Variants in KLHDC1 observed in about 807,000 individuals in gnomAD.
KLHDC1 encodes the protein kelch domain-containing protein 1.
Under a neutral mutation model 68.3 loss-of-function variants are expected in KLHDC1, and 53 were observed. The observed-to-expected ratio is 0.78, with a 90% confidence interval of 0.62 to 0.98. KLHDC1 has a LOEUF of 0.98. Among genes scored for constraint, KLHDC1 ranks in the 50% least tolerant of loss-of-function variants. The probability of loss-of-function intolerance (pLI) is 0.00; values close to 1 mark genes in which losing one functional copy is unlikely to be tolerated. For missense variants in KLHDC1, 470 were observed against 492.3 expected (o/e 0.95, Z 0.43); for synonymous variants, 148 against 159.0 (o/e 0.93, Z 0.52).
chr14:49,698,716 A>G (rs1193757688), intron 1 of KLHDC1, among the ~76,000 whole-genome samples: 2 of 150,660 alleles, frequency 1.3e-5, no homozygotes, highest in South Asian at 2.1e-4. Context: ...GAGTTTTGCC[A>G]TGTTGGCCAG....
intron 7 of KLHDC1, 46 bp from the exon 8 acceptor site, chr14:49,729,444 A>T (rs746967729): frequency 7.6e-7 from 1 of 1,313,874 alleles, no homozygotes; most frequent in South Asian, 1.2e-5. Context: ...ATTTTAGCTG[A>T]TAAAAGATGT....
chr14:49,735,431 A>G (rs1416075641), intron 10 of KLHDC1, among the ~76,000 whole-genome samples: 5 of 152,212 alleles, frequency 3.3e-5, no homozygotes, highest in South Asian at 2.1e-4. Flanking sequence ...TTGTTATTTA[A>G]TAAATGACAG....
chr14:49,732,528 G>T (rs542803434), intron 8 of KLHDC1, among the ~76,000 whole-genome samples, 176 bp from the exon 9 acceptor site: 2 of 152,026 alleles, frequency 1.3e-5, no homozygotes, highest in African/African-American at 4.8e-5. Flanking sequence ...TAAATGGAAA[G>T]ATTTTTTAAA....
rs142917982 is a variant in KLHDC1, at chr14:49,697,482, T to G, written c.96+4192T>G. ...CAAAAGTTTGAAATACTGTGAGAATTACCAAAATGTGACACAGACACGAAG... is the reference window on the plus strand; with the variant it reads ...CAAAAGTTTGAAATACTGTGAGAATGACCAAAATGTGACACAGACACGAAG... On this transcript the variant is annotated intron_variant, in intron 1 of 12. Coordinates refer to ENST00000359332, the MANE Select transcript of KLHDC1 (RefSeq NM_172193.3). Among the ~76,000 whole-genome samples the G allele has an allele frequency of 3.9e-5, 6 of 152,328 alleles. No homozygotes were observed. In the East Asian group the frequency reaches 1.2e-3, roughly 29 times the overall value.
intron 2 of KLHDC1, 63 bp downstream of exon 2, chr14:49,709,292 T>TAAAAATA: frequency 1.4e-6 from 1 of 723,834 alleles, no homozygotes; most frequent in Non-Finnish European, 2.3e-6. Context: ...TTCTGTAGAC[T>TAAAAATA]CTAGGGAATT....
chr14:49,710,240 A>T, intron 3 of KLHDC1, 23 bp from the exon 4 acceptor site: 1 of 1,218,416 alleles, frequency 8.2e-7, no homozygotes, highest in Non-Finnish European at 1.2e-6. Context: ...CCTGTCTGCT[A>T]ATAGTGTTCT....
At chr14:49,749,677 C>CAAAAA (rs1191978580) in intron 12 of KLHDC1, among the ~76,000 whole-genome samples, 3 of 53,774 alleles carry the variant, frequency 5.6e-5, no homozygotes, top group African/African-American at 1.3e-4. Context: ...GACTCCGTCT[C>CAAAAA]AAAAAAAAAA....
intron 1 of KLHDC1, among the ~76,000 whole-genome samples, chr14:49,703,026 C>T (rs919181851): frequency 1.3e-5 from 2 of 152,088 alleles, no homozygotes; most frequent in African/African-American, 4.8e-5. Flanking sequence ...CTGTGAGCTA[C>T]TTAATATTCG....
rs139620101 is a variant in KLHDC1, at chr14:49,728,562, C to T, written c.568-364C>T. Among the ~76,000 whole-genome samples, 1,175 of 152,074 alleles carry T rather than the reference C, an allele frequency of 7.7e-3. 16 individuals carry two copies. The highest frequency in any genetic ancestry group is 0.027 in the African/African-American group (1,117 of 41,398). ...GCACTGCTCACTTCTAATGGGAACTCTGTGTGTGTGAAAGAGAAACAGAGG... is the reference window on the plus strand; with the variant it reads ...GCACTGCTCACTTCTAATGGGAACTTTGTGTGTGTGAAAGAGAAACAGAGG... On this transcript the variant is annotated intron_variant, in intron 6 of 12. Coordinates refer to ENST00000359332, the MANE Select transcript of KLHDC1 (RefSeq NM_172193.3).
rs779074317 is a variant in KLHDC1, at chr14:49,693,199, C to T, written c.5C>T (p.Ala2Val). 6 of 1,582,852 alleles carry T rather than the reference C, an allele frequency of 3.8e-6. No individual in the cohort carries two copies. Among genetic ancestry groups the T allele is most frequent in the South Asian group, 2.2e-5 (2 of 89,192 alleles). Residue 2 changes from alanine (A) to valine (V), a missense_variant, in exon 1 of 13, where the codon GCG (alanine) becomes GTG (valine). Transcript: ENST00000359332. Reference protein sequence around the residue: MADSQLFCVAEE... With the variant: MVDSQLFCVAEE... ...GGCGGGCCAGCGACGGCGCGAATGG[C>T]GGACTCTCAGCTGTTCTGTGTGGCG...
rs1441072343 is a variant in KLHDC1 at position 49,751,942 on chromosome 14, C to G, written c.*170C>G. The G allele has an allele frequency of 8.3e-6, 3 of 361,944 alleles. No individual in the cohort carries two copies. Among genetic ancestry groups the G allele is most frequent in the Non-Finnish European group, 1.5e-5 (3 of 197,834 alleles). 22.4% of individuals were successfully genotyped at this position (361,944 alleles called of 1,614,324 possible). A position where few individuals can be genotyped will look rare whatever the true frequency, so the allele number is the denominator to read the frequency against. ...GATATATGGAAAAAAGATATTAATG[C>G]AGATTAATTTATATTTGTAAACAAA... On this transcript the variant is annotated 3_prime_UTR_variant, in exon 13 of 13. Transcript: ENST00000359332.
chr14:49,699,161 C>CAAAA (rs34856234), intron 1 of KLHDC1, among the ~76,000 whole-genome samples: 2 of 107,802 alleles, frequency 1.9e-5, no homozygotes, highest in African/African-American at 7.1e-5. Flanking sequence ...AAGACTGTCT[C>CAAAA]AAAAAAAAAA....
At chr14:49,717,781 C>T (rs1031045071) in intron 4 of KLHDC1, among the ~76,000 whole-genome samples, 1 of 151,978 alleles carries the variant, frequency 6.6e-6, no homozygotes, top group Non-Finnish European at 1.5e-5. Context: ...GCCAGTGAAG[C>T]CATTCTTGGG....
chr14:49,748,318 A>G (rs1889246037), intron 12 of KLHDC1, among the ~76,000 whole-genome samples: 1 of 152,208 alleles, frequency 6.6e-6, no homozygotes, highest in Non-Finnish European at 1.5e-5. Context: ...GACTACAGAC[A>G]CTGGATCCTT....
intron 8 of KLHDC1, among the ~76,000 whole-genome samples, chr14:49,732,099 GA>G (rs1156675072): frequency 1.3e-5 from 2 of 151,106 alleles, no homozygotes; most frequent in Non-Finnish European, 2.9e-5. Context: ...AAATTGTGTT[GA>G]AAAACTAAGG....
At chr14:49,749,477 A>ACTAGC (rs1889275826) in intron 12 of KLHDC1, among the ~76,000 whole-genome samples, 1 of 152,050 alleles carries the variant, frequency 6.6e-6, no homozygotes, top group Non-Finnish European at 1.5e-5. Context: ...GGAGTTCAAG[A>ACTAGC]CTAGCCTGGC....
At chr14:49,695,159 A>G (rs936869207) in intron 1 of KLHDC1, among the ~76,000 whole-genome samples, 3 of 74,284 alleles carry the variant, frequency 4.0e-5, no homozygotes, top group African/African-American at 9.3e-5. Flanking sequence ...TTTTGAGACA[A>G]TCTCTCCTGC....
intron 12 of KLHDC1, among the ~76,000 whole-genome samples, chr14:49,744,710 A>G (rs971322196): frequency 5.9e-5 from 9 of 152,098 alleles, no homozygotes; most frequent in African/African-American, 2.2e-4. Context: ...TTGTTTAGGG[A>G]ATAATTACAA....
intron 4 of KLHDC1, among the ~76,000 whole-genome samples, chr14:49,718,129 T>C (rs1888426809): frequency 1.3e-5 from 2 of 151,884 alleles, no homozygotes; most frequent in Admixed American, 1.3e-4. Context: ...CAAGTGATCC[T>C]TCCACCGCAG....
Sources: allele counts gnomAD v4.1 joint callset (sites outside exome capture counted in the v4.1 genomes callset), GRCh38; gene constraint gnomAD v4.1.1; transcripts MANE v1.5; gene names NCBI Gene and HGNC (gene_info 2026-07-23, HGNC 2026-07-21).